The following COL13A1 variants were observed in gnomAD, a reference collection of about 807,000 sequenced individuals.
COL13A1 encodes the protein collagen type XIII alpha 1 chain.
COL13A1 carries 89 observed loss-of-function variants against 130.9 expected under a neutral mutation model. The ratio of observed to expected loss-of-function variants is 0.68; its 90% confidence interval spans 0.57 to 0.81. The LOEUF (loss-of-function observed/expected upper bound fraction) is 0.81. Among genes scored for constraint, COL13A1 ranks in the 30% least tolerant of loss-of-function variants. COL13A1 has a pLI of 0.00. For synonymous variants in COL13A1, 402 were observed against 341.6 expected, an observed-to-expected ratio of 1.18 and a Z score of -1.95; for missense variants, 879 against 934.6, an observed-to-expected ratio of 0.94 and a Z score of 0.78.
intron 37 of COL13A1, 98 bp from the exon 38 acceptor site, chr10:69,947,209 T>A: frequency 9.6e-7 from 1 of 1,046,466 alleles, no homozygotes; most frequent in Non-Finnish European, 1.5e-6. Context: ...CTCCAGTGAG[T>A]GAGGCATTGG....
At chr10:69,873,043 T>C (rs1232933099) in intron 4 of COL13A1, among the ~76,000 whole-genome samples, 2 of 152,114 alleles carry the variant, frequency 1.3e-5, no homozygotes, top group African/African-American at 4.8e-5. Context: ...GTACCGGGTA[T>C]GTGTACCATG....
At chr10:69,852,383 T>C (rs1360755292) in intron 2 of COL13A1, among the ~76,000 whole-genome samples, 3 of 152,226 alleles carry the variant, frequency 2.0e-5, no homozygotes, top group African/African-American at 7.2e-5. Flanking sequence ...TTCACATATG[T>C]TATCTCATCT....
chr10:69,868,042 C>A (rs2058698084), intron 3 of COL13A1, among the ~76,000 whole-genome samples: 1 of 151,132 alleles, frequency 6.6e-6, no homozygotes, highest in South Asian at 2.1e-4. Flanking sequence ...GCAAAGCAGG[C>A]CCCAAATTTC....
At chr10:69,918,468 G>T (rs2064212290) in intron 19 of COL13A1, among the ~76,000 whole-genome samples, 151 bp downstream of exon 19, 1 of 152,208 alleles carries the variant, frequency 6.6e-6, no homozygotes, top group African/African-American at 2.4e-5. Flanking sequence ...TAACATTTGT[G>T]CCAGGTGCAT....
intron 7 of COL13A1, among the ~76,000 whole-genome samples, chr10:69,887,039 A>C (rs1031305645): frequency 6.6e-6 from 1 of 152,210 alleles, no homozygotes; most frequent in African/African-American, 2.4e-5. Context: ...CCATCCTTAG[A>C]TAAGTGGCCA....
intron 25 of COL13A1, 146 bp from the exon 26 acceptor site, chr10:69,925,658 C>G: frequency 3.2e-6 from 2 of 631,564 alleles, no homozygotes. Flanking sequence ...TGAGAGTGTT[C>G]AGAATCCCCA....
intron 2 of COL13A1, among the ~76,000 whole-genome samples, chr10:69,841,442 G>A (rs1269042317): frequency 6.6e-6 from 1 of 152,180 alleles, no homozygotes; most frequent in Non-Finnish European, 1.5e-5. Flanking sequence ...CGGAATAAAT[G>A]CTCTTCAATA....
chr10:69,846,935 G>A (rs1374513569), intron 2 of COL13A1, among the ~76,000 whole-genome samples: 18 of 152,226 alleles, frequency 1.2e-4, no homozygotes, highest in Non-Finnish European at 1.5e-5. Context: ...GTGCTTCCCA[G>A]CGGGAGCCAC....
intron 7 of COL13A1, among the ~76,000 whole-genome samples, chr10:69,882,957 G>C (rs568745022): frequency 6.6e-5 from 10 of 152,310 alleles, no homozygotes; most frequent in Admixed American, 5.2e-4. Context: ...TTGTCATTAA[G>C]GGGTAGAAGT....
chr10:69,888,861 A>G (rs1043317245), intron 9 of COL13A1, among the ~76,000 whole-genome samples: 10 of 152,118 alleles, frequency 6.6e-5, no homozygotes, highest in Admixed American at 2.0e-4. Flanking sequence ...ACAAATGTTC[A>G]TGGGAGAAAG....
chr10:69,922,664 C>A (rs532359830), intron 22 of COL13A1, 44 bp from the exon 23 acceptor site: 2 of 1,508,256 alleles, frequency 1.3e-6, no homozygotes, highest in African/African-American at 1.4e-5. Context: ...TCAGCCTAGA[C>A]CTTCCTCCAC....
chr10:69,914,767 A>G (rs2063742943), intron 17 of COL13A1, among the ~76,000 whole-genome samples: 1 of 152,214 alleles, frequency 6.6e-6, no homozygotes, highest in Non-Finnish European at 1.5e-5. Context: ...AGCTGGTACT[A>G]CTGAGAGGGC....
intron 30 of COL13A1, among the ~76,000 whole-genome samples, chr10:69,931,829 G>GCA (rs1565104383): frequency 6.6e-6 from 1 of 152,150 alleles, no homozygotes; most frequent in African/African-American, 2.4e-5. Flanking sequence ...ACACTTATTG[G>GCA]CACATAGTTT....
At position 69,932,608 on chromosome 10, in the gene COL13A1, C is replaced by T; in HGVS notation, c.1728+4C>T. The T allele has an allele frequency of 6.3e-7, 1 of 1,597,646 alleles. No individual in the cohort carries two copies. On this transcript the variant is annotated splice_donor_region_variant and intron_variant, in intron 31 of 40. Transcript: ENST00000645393. ...GAAGGGCAATCCAGGAGCAGAGGTA[C>T]ATGAGAGATAATTTGACAGAGACTC...
chr10:69,913,317 C>A (rs2063576571), intron 17 of COL13A1, among the ~76,000 whole-genome samples: 1 of 152,194 alleles, frequency 6.6e-6, no homozygotes, highest in Non-Finnish European at 1.5e-5. Flanking sequence ...ACTTCTGAGT[C>A]CCTTCTGGGG....
intron 15 of COL13A1, 28 bp from the exon 16 acceptor site, chr10:69,904,905 C>CT (rs60054259): frequency 0.029 from 42,728 of 1,462,482 alleles, 95 homozygotes; most frequent in African/African-American, 0.044. Flanking sequence ...TTTCTTTTTT[C>CT]TTTTTTTTTT....
chr10:69,867,342 T>C lies in COL13A1; in HGVS notation c.365-456T>C, dbSNP rs542085101. Among the ~76,000 whole-genome samples the C allele has an allele frequency of 1.0e-3, 155 of 152,342 alleles. 1 individual carries two copies. The highest frequency in any genetic ancestry group is 3.6e-3 in the African/African-American group (150 of 41,586). ...CACAGTGGCCATCCACGCCCGCCCC[T>C]GCCTGCCTGCTGGCCCTCCCTGACG... On this transcript the variant is annotated intron_variant, in intron 2 of 40. Transcript: ENST00000645393.
In COL13A1 at chr10:69,952,985, C is replaced by T; in HGVS notation, c.2145+17C>T. On this transcript the variant is annotated intron_variant, in intron 39 of 40. Coordinates refer to ENST00000645393, the MANE Select transcript of COL13A1 (RefSeq NM_001368882.1). ...TGCCCATTGGTATGTTTTTGTTTAT[C>T]ACTTGCATTGTTCTGGTTTTTGTTC... 6.7e-7 allele frequency: 1 copy of T among 1,498,926 alleles called. No homozygotes were observed. The highest frequency in any genetic ancestry group is 8.9e-7 in the Non-Finnish European group (1 of 1,128,906). 92.9% of individuals were successfully genotyped at this position (1,498,926 alleles called of 1,614,324 possible). A position where few individuals can be genotyped will look rare whatever the true frequency, so the allele number is the denominator to read the frequency against.
chr10:69,833,760 C>A (rs1012094208), intron 2 of COL13A1, among the ~76,000 whole-genome samples: 7 of 152,060 alleles, frequency 4.6e-5, no homozygotes, highest in Admixed American at 2.0e-4. Flanking sequence ...CCACACACAC[C>A]CCCACACCCC....
Sources: allele counts gnomAD v4.1 joint callset (sites outside exome capture counted in the v4.1 genomes callset), GRCh38; gene constraint gnomAD v4.1.1; transcripts MANE v1.5; gene names NCBI Gene and HGNC (gene_info 2026-07-23, HGNC 2026-07-21).